ADGRV1: variants seen among roughly 807,000 people sequenced by gnomAD.
ADGRV1 encodes the protein G-protein coupled receptor 98.
In ADGRV1, 359 loss-of-function variants were observed where a neutral mutation model predicts 596.2. That is an observed-to-expected ratio of 0.60 (90% confidence interval 0.55 to 0.66). The LOEUF (loss-of-function observed/expected upper bound fraction) is 0.66, where lower values mean the gene tolerates loss of function less well. Among genes scored for constraint, ADGRV1 ranks in the 30% least tolerant of loss-of-function variants. The pLI is 0.00. For synonymous variants in ADGRV1, 2,681 were observed against 2,679.2 expected (o/e 1.00, Z -0.02); for missense variants, 7,274 against 7,575.6 (o/e 0.96, Z 1.48).
At chr5:90,804,457 G>C (rs1343012101) in intron 71 of ADGRV1, among the ~76,000 whole-genome samples, 5 of 152,032 alleles carry the variant, frequency 3.3e-5, no homozygotes, top group Admixed American at 6.6e-5. Context: ...ATCTAGGCTG[G>C]GGTCAAATTA....
chr5:90,694,066 A>G lies in ADGRV1; in HGVS notation c.7310A>G (p.Tyr2437Cys), dbSNP rs2149639983. The G allele has an allele frequency of 6.2e-7, 1 of 1,613,852 alleles. No homozygotes were observed. ...GTCTCTGCCGTGGGGGAGCCCCTGT[A>G]TACCTGTGCCACTTTGTGCCTTAAG... ...MNVSAVGEPL[Y>C]TCATLCLKEQ... Residue 2437 changes from tyrosine to cysteine, a missense_variant, in exon 33 of 90, where the codon TAT becomes TGT. By Grantham distance (194) the Tyr-to-Cys change is radical (BLOSUM62 -2). Transcript: ENST00000405460.
At chr5:91,154,560 G>A (rs543715708) in intron 89 of ADGRV1, among the ~76,000 whole-genome samples, 2 of 152,316 alleles carry the variant, frequency 1.3e-5, no homozygotes, top group South Asian at 2.1e-4. Context: ...TGGCACAACC[G>A]CCTCTCGAGT....
intron 87 of ADGRV1, among the ~76,000 whole-genome samples, chr5:91,129,562 A>C (rs1278958906): frequency 6.6e-6 from 1 of 152,176 alleles, no homozygotes; most frequent in Non-Finnish European, 1.5e-5. Flanking sequence ...ACCACTATTC[A>C]AGTATTCATG....
intron 85 of ADGRV1, among the ~76,000 whole-genome samples, chr5:91,062,212 T>G (rs1787498958): frequency 6.6e-6 from 1 of 151,734 alleles, no homozygotes; most frequent in Non-Finnish European, 1.5e-5. Flanking sequence ...TTCTGAAGAT[T>G]TGTTTGTTTG....
chr5:90,893,382 A>G (rs4916828), intron 83 of ADGRV1, among the ~76,000 whole-genome samples: 42,124 of 152,034 alleles, frequency 0.28, 6,167 homozygotes, highest in Non-Finnish European at 0.32. Flanking sequence ...GTCATGTGCC[A>G]TCTCTTCTCC....
At chr5:90,860,515 T>C (rs1000163637) in intron 82 of ADGRV1, among the ~76,000 whole-genome samples, 2 of 152,046 alleles carry the variant, frequency 1.3e-5, no homozygotes, top group Admixed American at 6.6e-5. Flanking sequence ...AGCTTATTAG[T>C]AGCAGTAACC....
chr5:90,829,932 T>C (rs1289491922), intron 77 of ADGRV1, among the ~76,000 whole-genome samples: 1 of 152,116 alleles, frequency 6.6e-6, no homozygotes, highest in Non-Finnish European at 1.5e-5. Flanking sequence ...ACCCACTATT[T>C]GAAAACTGCC....
In ADGRV1 at chr5:90,848,634, C is replaced by T. The variant is rs2150388116; in HGVS notation, c.17020-3C>T. 12 of 1,431,860 alleles carry T rather than the reference C, an allele frequency of 8.4e-6. No homozygotes were observed. The highest frequency in any genetic ancestry group is 6.4e-5 in the Admixed American group (2 of 31,446). 88.7% of individuals were successfully genotyped at this position (1,431,860 alleles called of 1,614,324 possible). A position where few individuals can be genotyped will look rare whatever the true frequency, so the allele number is the denominator to read the frequency against. On this transcript the variant is annotated splice_polypyrimidine_tract_variant and splice_region_variant and intron_variant, in intron 78 of 89. Coordinates refer to ENST00000405460, the MANE Select transcript of ADGRV1 (RefSeq NM_032119.4). Reference sequence around the variant, plus strand: ...TATTTTTATACTTAGATTCTTTTTCCAGATAACTACTGAAGGAAAAATTCA... The same window carrying T: ...TATTTTTATACTTAGATTCTTTTTCTAGATAACTACTGAAGGAAAAATTCA...
intron 1 of ADGRV1, among the ~76,000 whole-genome samples, chr5:90,603,951 G>A (rs912471015): frequency 1.4e-5 from 2 of 147,204 alleles, no homozygotes; most frequent in African/African-American, 2.5e-5. Flanking sequence ...CTTGTGAACT[G>A]GTTTTCCGCC....
intron 16 of ADGRV1, among the ~76,000 whole-genome samples, chr5:90,646,696 T>C (rs1767821936): frequency 6.6e-6 from 1 of 152,146 alleles, no homozygotes; most frequent in African/African-American, 2.4e-5. Flanking sequence ...TATATATGGG[T>C]TAATTTACCT....
Position 91,035,844 on chromosome 5 carries a change from GTATATATATATATATATTATA to G in ADGRV1, c.18153-36585_18153-36565del, listed in dbSNP as rs1208661303. Among the ~76,000 whole-genome samples, 164 of 34,770 alleles carry G rather than the reference GTATATATATATATATATTATA, an allele frequency of 4.7e-3. 6 individuals are homozygous for G. The highest frequency in any genetic ancestry group is 0.012 in the Admixed American group (35 of 3,024). The allele number at this position is 34,770 out of a possible 152,430, so 22.8% of individuals were successfully genotyped here. A position where few individuals can be genotyped will look rare whatever the true frequency, so the allele number is the denominator to read the frequency against. ...GATGTTGTAAGTAATAAATGAGTGTGTATATATATATATATATTATATATATATATATATATATCTTACAAC... is the reference window on the plus strand; with the variant it reads ...GATGTTGTAAGTAATAAATGAGTGTGTATATATATATATATATCTTACAAC... On this transcript the variant is annotated intron_variant, in intron 85 of 89. Coordinates refer to ENST00000405460, the MANE Select transcript of ADGRV1 (RefSeq NM_032119.4).
chr5:91,133,438 G>A (rs575555425), intron 87 of ADGRV1, among the ~76,000 whole-genome samples: 2 of 152,200 alleles, frequency 1.3e-5, no homozygotes, highest in African/African-American at 4.8e-5. Context: ...CCTGGACTTT[G>A]CCACTGTCCT....
chr5:90,672,373 T>C (rs975640984), intron 21 of ADGRV1, among the ~76,000 whole-genome samples, 173 bp from the exon 22 acceptor site: 1 of 152,214 alleles, frequency 6.6e-6, no homozygotes, highest in African/African-American at 2.4e-5. Context: ...ATTGTAAATA[T>C]TTCTTAGCAG....
chr5:90,779,473 G>C (rs1758614972), intron 64 of ADGRV1: 1 of 156,078 alleles, frequency 6.4e-6, no homozygotes. Flanking sequence ...CTTGTGAAAG[G>C]GCTGAAGGGA....
At chr5:90,576,358 G>A (rs1438187686) in intron 1 of ADGRV1, among the ~76,000 whole-genome samples, 2 of 151,586 alleles carry the variant, frequency 1.3e-5, no homozygotes, top group Non-Finnish European at 2.9e-5. Flanking sequence ...GTGAGAACAT[G>A]TGGTGTTTGG....
At chr5:90,562,542 A>G (rs1023229065) in intron 1 of ADGRV1, among the ~76,000 whole-genome samples, 6 of 152,126 alleles carry the variant, frequency 3.9e-5, no homozygotes, top group African/African-American at 1.4e-4. Context: ...TTAAAAATGT[A>G]CCAGACCAAG....
At chr5:91,004,324 G>A (rs1270470594) in intron 85 of ADGRV1, among the ~76,000 whole-genome samples, 2 of 151,880 alleles carry the variant, frequency 1.3e-5, no homozygotes, top group East Asian at 3.9e-4. Flanking sequence ...GAAAACAAAT[G>A]AAAAGCAAAT....
chr5:90,772,638 A>G (rs996132249), intron 59 of ADGRV1, among the ~76,000 whole-genome samples: 2 of 152,224 alleles, frequency 1.3e-5, no homozygotes, highest in Admixed American at 1.3e-4. Flanking sequence ...AAAGTGCTCA[A>G]TATTGATTTT....
intron 1 of ADGRV1, among the ~76,000 whole-genome samples, chr5:90,589,324 A>G (rs1030115733): frequency 6.6e-6 from 1 of 152,198 alleles, no homozygotes; most frequent in Non-Finnish European, 1.5e-5. Context: ...GATGCACTCA[A>G]TGAATTCTGT....
Sources: allele counts gnomAD v4.1 joint callset (sites outside exome capture counted in the v4.1 genomes callset), GRCh38; gene constraint gnomAD v4.1.1; transcripts MANE v1.5; gene names NCBI Gene and HGNC (gene_info 2026-07-23, HGNC 2026-07-21).